The following ADGRB3 variants were observed in gnomAD, a reference collection of about 807,000 sequenced individuals.
ADGRB3 encodes adhesion G protein-coupled receptor B3.
A neutral mutation model predicts 193.4 loss-of-function variants in ADGRB3; 37 were observed. The ratio of observed to expected loss-of-function variants is 0.19; its 90% CI spans 0.15 to 0.25. The LOEUF (loss-of-function observed/expected upper bound fraction) is 0.25, where lower values mean the gene tolerates loss of function less well. Among genes scored for constraint, ADGRB3 ranks in the 10% least tolerant of loss-of-function variants. The pLI is 1.00. For synonymous variants in ADGRB3, 690 were observed against 644.2 expected, an observed-to-expected ratio of 1.07 and a Z score of -1.08; for missense variants, 1,637 against 1,852.9, an observed-to-expected ratio of 0.88 and a Z score of 2.14.
intron 3 of ADGRB3, among the ~76,000 whole-genome samples, chr6:68,657,718 C>A (rs1359775133): frequency 6.6e-6 from 1 of 151,386 alleles, no homozygotes. Context: ...CTTTTAAAAA[C>A]ACTCAGTTTT....
At chr6:69,066,565 ATTCCAAATTCTG>A (rs1430536238) in intron 16 of ADGRB3, among the ~76,000 whole-genome samples, 2 of 152,068 alleles carry the variant, frequency 1.3e-5, no homozygotes, top group Non-Finnish European at 2.9e-5. Context: ...GAACCTAGCA[ATTCCAAATTCTG>A]TTTAGCAAAG....
intron 3 of ADGRB3, among the ~76,000 whole-genome samples, chr6:68,827,130 A>G (rs1176553635): frequency 6.6e-6 from 1 of 152,152 alleles, no homozygotes; most frequent in Non-Finnish European, 1.5e-5. Flanking sequence ...GGAGCTCTAT[A>G]TTGCGAGATT....
chr6:69,219,978 A>C (rs1044219144), intron 17 of ADGRB3, among the ~76,000 whole-genome samples: 10 of 152,058 alleles, frequency 6.6e-5, no homozygotes, highest in Non-Finnish European at 1.2e-4. Context: ...ATGACAGAGA[A>C]GGCTTTTCCA....
Position 69,223,113 on chromosome 6 carries a change from A to T in ADGRB3, c.2481-10177A>T, listed in dbSNP as rs370747304. On this transcript the variant is annotated intron_variant, in intron 17 of 31. Coordinates refer to ENST00000370598, the MANE Select transcript of ADGRB3 (RefSeq NM_001704.3). ...GTACACTAAGGAAGTTAAAAAAGAA[A>T]CATTGCTCTAATACTGAGGACTCCC... Among the ~76,000 whole-genome samples, 184 of 152,254 alleles carry T rather than the reference A, an allele frequency of 1.2e-3. 2 individuals carry two copies. In the South Asian group the frequency reaches 0.03, roughly 25 times the overall value.
intron 17 of ADGRB3, among the ~76,000 whole-genome samples, chr6:69,195,363 T>A (rs1397500923): frequency 6.6e-6 from 1 of 151,636 alleles, no homozygotes; most frequent in East Asian, 1.9e-4. Flanking sequence ...ACCCTATTTC[T>A]ACAAAAAATA....
At chr6:68,821,060 T>G (rs187621775) in intron 3 of ADGRB3, among the ~76,000 whole-genome samples, 7 of 152,132 alleles carry the variant, frequency 4.6e-5, no homozygotes, top group Admixed American at 3.3e-4. Flanking sequence ...GGATGTAAAT[T>G]TTGTACCTTA....
intron 17 of ADGRB3, among the ~76,000 whole-genome samples, chr6:69,185,113 A>G (rs1406908236): frequency 1.3e-5 from 2 of 152,160 alleles, no homozygotes; most frequent in African/African-American, 4.8e-5. Flanking sequence ...GCCTCTCTAC[A>G]AGAAAATATC....
chr6:69,179,636 G>A (rs1409185400), intron 17 of ADGRB3, among the ~76,000 whole-genome samples: 4 of 152,070 alleles, frequency 2.6e-5, no homozygotes, highest in Non-Finnish European at 1.5e-5. Flanking sequence ...TTCTCATGTG[G>A]TAGCACTTTT....
chr6:68,827,481 A>G (rs1767866924), intron 3 of ADGRB3, among the ~76,000 whole-genome samples: 1 of 152,058 alleles, frequency 6.6e-6, no homozygotes, highest in African/African-American at 2.4e-5. Context: ...CAGTTTGTAG[A>G]GGGAAAAATC....
chr6:68,710,549 T>G (rs1244527907), intron 3 of ADGRB3, among the ~76,000 whole-genome samples: 2 of 152,140 alleles, frequency 1.3e-5, no homozygotes, highest in Non-Finnish European at 2.9e-5. Flanking sequence ...TCTAAACTAT[T>G]TTCATAATAT....
At chr6:69,049,708 A>C (rs1312704021) in intron 15 of ADGRB3, among the ~76,000 whole-genome samples, 1 of 152,170 alleles carries the variant, frequency 6.6e-6, no homozygotes, top group South Asian at 2.1e-4. Flanking sequence ...ACTGTTCATC[A>C]ACATGACGTG....
At chr6:69,382,728 C>G in intron 30 of ADGRB3, 103 bp from the exon 31 acceptor site, 1 of 744,914 alleles carries the variant, frequency 1.3e-6, no homozygotes, top group Middle Eastern at 3.1e-4. Flanking sequence ...TGGTTCCTGC[C>G]AAACTTGATT....
chr6:68,797,959 G>T (rs1005076115), intron 3 of ADGRB3, among the ~76,000 whole-genome samples: 1 of 151,890 alleles, frequency 6.6e-6, no homozygotes, highest in Non-Finnish European at 1.5e-5. Flanking sequence ...TATAGCTGTG[G>T]GCATTTTCTA....
At chr6:69,252,334 T>C (rs1384789646) in intron 20 of ADGRB3, among the ~76,000 whole-genome samples, 1 of 152,186 alleles carries the variant, frequency 6.6e-6, no homozygotes, top group Non-Finnish European at 1.5e-5. Flanking sequence ...TTTTTAGTTT[T>C]TTGTTACTAT....
intron 8 of ADGRB3, among the ~76,000 whole-genome samples, chr6:68,960,921 A>T (rs1204786144): frequency 1.3e-5 from 2 of 152,198 alleles, no homozygotes; most frequent in East Asian, 3.9e-4. Flanking sequence ...AACTTATAGT[A>T]AAAATAATAA....
intron 3 of ADGRB3, among the ~76,000 whole-genome samples, chr6:68,851,698 CG>C (rs1259785740): frequency 6.6e-6 from 1 of 151,760 alleles, no homozygotes; most frequent in African/African-American, 2.4e-5. Context: ...AAGAATCCTA[CG>C]GTTTTTCAAT....
At chr6:69,125,855 C>T (rs1313438318) in intron 17 of ADGRB3, among the ~76,000 whole-genome samples, 1 of 152,176 alleles carries the variant, frequency 6.6e-6, no homozygotes, top group African/African-American at 2.4e-5. Context: ...CTCTTTCAGC[C>T]ATTTCCATCC....
At chr6:68,958,246 A>G (rs72906736) in intron 8 of ADGRB3, among the ~76,000 whole-genome samples, 5,919 of 152,196 alleles carry the variant, frequency 0.039, 184 homozygotes, top group Non-Finnish European at 0.058. Context: ...TTAACACCAT[A>G]TGAATTCAAT....
chr6:69,314,582 C>A (rs1328948741), intron 20 of ADGRB3, among the ~76,000 whole-genome samples: 2 of 151,538 alleles, frequency 1.3e-5, no homozygotes, highest in African/African-American at 4.8e-5. Flanking sequence ...TAAGCAAGTA[C>A]TGTAACTTGT....
Sources: allele counts gnomAD v4.1 joint callset (sites outside exome capture counted in the v4.1 genomes callset), GRCh38; gene constraint gnomAD v4.1.1; transcripts MANE v1.5; gene names NCBI Gene and HGNC (gene_info 2026-07-23, HGNC 2026-07-21).